PRDM1: variants seen among roughly 807,000 people sequenced by gnomAD.
The protein encoded by PRDM1 is PR domain zinc finger protein 1.
In PRDM1, 13 loss-of-function variants were observed where a neutral mutation model predicts 62.8. The observed-to-expected ratio is 0.21, with a 90% CI of 0.13 to 0.33. PRDM1 has a LOEUF of 0.33. Ranked by LOEUF, PRDM1 falls within the 10% of genes least tolerant of loss-of-function variation. The probability of loss-of-function intolerance (pLI) is 1.00; values close to 1 mark genes in which losing one functional copy is unlikely to be tolerated. For missense variants in PRDM1, 895 were observed against 1,058.8 expected, an observed-to-expected ratio of 0.85 and a Z score of 2.15; for synonymous variants, 396 against 417.6, an observed-to-expected ratio of 0.95 and a Z score of 0.63.
At chr6:106,034,635 C>CTCTTTTTTTT (rs745833853) in intron 1 of PRDM1, among the ~76,000 whole-genome samples, 10 of 88,418 alleles carry the variant, frequency 1.1e-4, no homozygotes, top group African/African-American at 1.4e-4. Context: ...TGTTCTCTCT[C>CTCTTTTTTTT]TTTTTTTTTT....
At chr6:106,035,123 T>C (rs1772907250) in intron 1 of PRDM1, among the ~76,000 whole-genome samples, 1 of 152,230 alleles carries the variant, frequency 6.6e-6, no homozygotes, top group Non-Finnish European at 1.5e-5. Flanking sequence ...TATTCTTTAT[T>C]GAGAGTGAAG....
intron 1 of PRDM1, among the ~76,000 whole-genome samples, chr6:106,041,809 CTTT>C (rs537352355): frequency 1.0e-4 from 13 of 129,858 alleles, no homozygotes; most frequent in Non-Finnish European, 1.3e-4. Context: ...GTATTTCTTT[CTTT>C]TTTTTTTTTT....
intron 1 of PRDM1, among the ~76,000 whole-genome samples, chr6:106,050,834 A>G (rs1773161619): frequency 6.6e-6 from 1 of 152,264 alleles, no homozygotes; most frequent in Non-Finnish European, 1.5e-5. Flanking sequence ...AGGAATTCAG[A>G]GAAACACTAT....
At chr6:106,022,995 C>T (rs781034433) in intron 1 of PRDM1, among the ~76,000 whole-genome samples, 5 of 152,180 alleles carry the variant, frequency 3.3e-5, no homozygotes, top group Non-Finnish European at 5.9e-5. Context: ...TTGTGTTCTT[C>T]CTCCTGTGTT....
At chr6:106,090,409 G>T (rs1263336608) in intron 2 of PRDM1, among the ~76,000 whole-genome samples, 1 of 152,180 alleles carries the variant, frequency 6.6e-6, no homozygotes. Context: ...TGAAGCGCTT[G>T]AATAGAGGAT....
intron 2 of PRDM1, among the ~76,000 whole-genome samples, chr6:106,090,640 G>A (rs958702409): frequency 2.6e-5 from 4 of 152,176 alleles, no homozygotes; most frequent in African/African-American, 9.7e-5. Context: ...GCAACATTAA[G>A]GATTGATGAA....
At chr6:106,078,101 A>AC (rs1773632163) in intron 1 of PRDM1, among the ~76,000 whole-genome samples, 1 of 152,154 alleles carries the variant, frequency 6.6e-6, no homozygotes, top group Non-Finnish European at 1.5e-5. Flanking sequence ...TGTGTTTGAC[A>AC]CCATTTATCA....
intron 2 of PRDM1, among the ~76,000 whole-genome samples, chr6:106,094,413 A>G (rs1774037538): frequency 6.6e-6 from 1 of 152,220 alleles, no homozygotes; most frequent in Non-Finnish European, 1.5e-5. Flanking sequence ...TTGAATAGTG[A>G]CGAATTGCTT....
intron 1 of PRDM1, among the ~76,000 whole-genome samples, chr6:106,041,298 T>C (rs1772990678): frequency 6.6e-6 from 1 of 152,228 alleles, no homozygotes; most frequent in Non-Finnish European, 1.5e-5. Flanking sequence ...TTTTTCACAT[T>C]GTTCAAAGGT....
chr6:106,038,014 C>CTTTTTTTTTTTTTTTTTT lies in PRDM1; in HGVS notation c.-67+44378_-67+44395dup, dbSNP rs1227783243. ...CTTTCCTATGGTTTGCTATTTTTGT[C>CTTTTTTTTTTTTTTTTTT]TTTTTTTTTTTTTTTTTTTTGAGAC... On this transcript the variant is annotated intron_variant, in intron 1 of 6. Coordinates refer to the PRDM1 transcript ENST00000652320. Among the ~76,000 whole-genome samples the CTTTTTTTTTTTTTTTTTT allele has an allele frequency of 1.8e-3, 84 of 47,786 alleles. 24 individuals are homozygous for CTTTTTTTTTTTTTTTTTT. Among genetic ancestry groups the CTTTTTTTTTTTTTTTTTT allele is most frequent in the African/African-American group, 3.1e-3 (36 of 11,658 alleles). 31.3% of individuals were successfully genotyped at this position (47,786 alleles called of 152,430 possible).
At chr6:106,025,662 C>T (rs1441854864) in intron 1 of PRDM1, among the ~76,000 whole-genome samples, 2 of 152,108 alleles carry the variant, frequency 1.3e-5, no homozygotes, top group Non-Finnish European at 2.9e-5. Context: ...TTTCATTTCT[C>T]ACCTGAGGAA....
Position 106,033,788 on chromosome 6 carries a change from AT to A in PRDM1, c.-67+40160del, listed in dbSNP as rs1412133633. Among the ~76,000 whole-genome samples the A allele has an allele frequency of 8.7e-3, 1,269 of 146,438 alleles. 21 individuals are homozygous for A. The highest frequency in any genetic ancestry group is 0.03 in the African/African-American group (1,197 of 39,846). ...AGTAAAGAAATGTTCTTTTCTCTTTATTTTTTTTTTTAAAGCTTGAGAAGAA... is the reference window on the plus strand; with the variant it reads ...AGTAAAGAAATGTTCTTTTCTCTTTATTTTTTTTTTAAAGCTTGAGAAGAA... On this transcript the variant is annotated intron_variant, in intron 1 of 6. Coordinates refer to the PRDM1 transcript ENST00000652320.
intron 1 of PRDM1, among the ~76,000 whole-genome samples, chr6:105,997,782 A>G (rs962821669): frequency 1.5e-4 from 23 of 152,268 alleles, no homozygotes; most frequent in Non-Finnish European, 2.8e-4. Flanking sequence ...AATGCTGGAA[A>G]ACAAAAGAAG....
At chr6:106,040,594 T>C (rs1354421660) in intron 1 of PRDM1, among the ~76,000 whole-genome samples, 1 of 152,234 alleles carries the variant, frequency 6.6e-6, no homozygotes. Flanking sequence ...ACCTGTATCC[T>C]GTGGGCTCAG....
chr6:106,073,802 G>T (rs1452144330), intron 1 of PRDM1, among the ~76,000 whole-genome samples: 1 of 152,196 alleles, frequency 6.6e-6, no homozygotes, highest in African/African-American at 2.4e-5. Flanking sequence ...ATCCTCATCT[G>T]CATTCCTTAG....
chr6:106,068,279 A>T (rs1421310073), intron 1 of PRDM1, among the ~76,000 whole-genome samples: 1 of 152,000 alleles, frequency 6.6e-6, no homozygotes, highest in Non-Finnish European at 1.5e-5. Flanking sequence ...TTTAGTAGAG[A>T]CAGGGTTTCA....
chr6:106,060,582 AAG>A, intron 1 of PRDM1, among the ~76,000 whole-genome samples: 1 of 152,176 alleles, frequency 6.6e-6, no homozygotes, highest in Non-Finnish European at 1.5e-5. Flanking sequence ...CATAGACTTG[AAG>A]CTGGGTGATA....
At position 106,109,454 on chromosome 6, in the gene PRDM1, A is replaced by G. The variant is rs1562178782; in HGVS notation, c.*1968A>G. On this transcript the variant is annotated 3_prime_UTR_variant, in exon 7 of 7. Transcript: ENST00000369096. ...TATATTTGACATTTTGTTCACATCAACTAATGTTCACCTGTAGAAGAGAAC... is the reference window on the plus strand; with the variant it reads ...TATATTTGACATTTTGTTCACATCAGCTAATGTTCACCTGTAGAAGAGAAC... 4.3e-6 allele frequency: 1 copy of G among 233,504 alleles called. No individual in the cohort carries two copies. Among genetic ancestry groups the G allele is most frequent in the Admixed American group, 5.6e-5 (1 of 17,784 alleles). The allele number at this position is 233,504 out of a possible 1,614,324, so 14.5% of individuals were successfully genotyped here. A position where few individuals can be genotyped will look rare whatever the true frequency, so the allele number is the denominator to read the frequency against.
chr6:106,012,957 G>T (rs994211203), intron 1 of PRDM1, among the ~76,000 whole-genome samples: 2 of 152,188 alleles, frequency 1.3e-5, no homozygotes, highest in Non-Finnish European at 2.9e-5. Context: ...TGTCGCCCAG[G>T]CTGGAGTGCA....
Sources: allele counts gnomAD v4.1 joint callset (sites outside exome capture counted in the v4.1 genomes callset), GRCh38; gene constraint gnomAD v4.1.1; transcripts MANE v1.5; gene names NCBI Gene and HGNC (gene_info 2026-07-23, HGNC 2026-07-21).